The following FHIT variants were observed in gnomAD, a reference collection of about 807,000 sequenced individuals.
FHIT encodes the protein fragile histidine triad diadenosine triphosphatase, also known as bis(5'-adenosyl)-triphosphatase.
FHIT carries 19 observed loss-of-function variants against 17.9 expected under a neutral mutation model. The ratio of observed to expected loss-of-function variants is 1.06; its 90% CI spans 0.74 to 1.56. The LOEUF is 1.56. FHIT is among the 40% of genes most tolerant of loss of function. The pLI is 0.00. For synonymous variants in FHIT, 81 were observed against 69.7 expected (o/e 1.16, Z -0.81); for missense variants, 248 against 189.2 (o/e 1.31, Z -1.82).
intron 8 of FHIT, among the ~76,000 whole-genome samples, chr3:59,848,536 G>A (rs953558994): frequency 6.6e-6 from 1 of 151,976 alleles, no homozygotes; most frequent in Non-Finnish European, 1.5e-5. Context: ...TAAAATAATA[G>A]AGATCTTAGA....
intron 5 of FHIT, among the ~76,000 whole-genome samples, chr3:60,439,405 T>C (rs1341436194): frequency 6.6e-6 from 1 of 152,142 alleles, no homozygotes; most frequent in African/African-American, 2.4e-5. Flanking sequence ...AATAAAGGGC[T>C]TCTACTGTGC....
At chr3:60,937,534 C>G (rs1433004547) in intron 3 of FHIT, among the ~76,000 whole-genome samples, 1 of 110,980 alleles carries the variant, frequency 9.0e-6, no homozygotes, top group East Asian at 3.0e-4. Context: ...CAGAAGTGGT[C>G]TACTGCTTTT....
chr3:59,840,858 C>T (rs765852864), intron 8 of FHIT, among the ~76,000 whole-genome samples: 2 of 152,152 alleles, frequency 1.3e-5, no homozygotes, highest in Non-Finnish European at 2.9e-5. Context: ...ATGATAATAA[C>T]AGCCCTGGGC....
chr3:60,139,469 G>T (rs1382009410), intron 5 of FHIT, among the ~76,000 whole-genome samples: 1 of 152,158 alleles, frequency 6.6e-6, no homozygotes, highest in Non-Finnish European at 1.5e-5. Context: ...AAGGCCAGAT[G>T]ATGAAAAGTC....
At chr3:61,147,095 C>A (rs1034868615) in intron 2 of FHIT, among the ~76,000 whole-genome samples, 2 of 151,914 alleles carry the variant, frequency 1.3e-5, no homozygotes, top group African/African-American at 4.8e-5. Context: ...GTACCAAGTT[C>A]TTTTTGTTGT....
At chr3:60,181,145 A>ATTTTTT (rs199935934) in intron 5 of FHIT, among the ~76,000 whole-genome samples, 12 of 125,574 alleles carry the variant, frequency 9.6e-5, no homozygotes, top group African/African-American at 2.8e-4. Flanking sequence ...AATTTTTTTA[A>ATTTTTT]TTTTTTTTTT....
chr3:60,426,324 C>A (rs970718192), intron 5 of FHIT, among the ~76,000 whole-genome samples: 4 of 152,130 alleles, frequency 2.6e-5, no homozygotes, highest in Non-Finnish European at 5.9e-5. Context: ...AGAAAGATCT[C>A]CATTGCTCTA....
intron 5 of FHIT, among the ~76,000 whole-genome samples, chr3:60,443,629 G>A (rs930362039): frequency 1.6e-4 from 25 of 152,120 alleles, no homozygotes; most frequent in African/African-American, 6.0e-4. Context: ...AAGCCCACTT[G>A]ATCATGGTGG....
intron 2 of FHIT, among the ~76,000 whole-genome samples, chr3:61,198,045 GAAAGT>G (rs961204443): frequency 1.3e-5 from 2 of 152,084 alleles, no homozygotes; most frequent in Non-Finnish European, 2.9e-5. Context: ...CATGATGAAA[GAAAGT>G]AATGAGTGGC....
rs959594860 is a variant in FHIT at position 59,749,916 on chromosome 3, A to G, written c.*6-337T>C. 7 of 225,246 alleles carry G rather than the reference A, an allele frequency of 3.1e-5. No individual in the cohort carries two copies. The Admixed American group carries it at 4.0e-4, about 13-fold the overall frequency. 14.0% of individuals were successfully genotyped at this position (225,246 alleles called of 1,614,324 possible). A position where few individuals can be genotyped will look rare whatever the true frequency, so the allele number is the denominator to read the frequency against. ...AGTTGTTTGCCACCTCACAACCTATATTATCCGTCCTAGTCTTAGTTACCA... is the reference window on the plus strand; with the variant it reads ...AGTTGTTTGCCACCTCACAACCTATGTTATCCGTCCTAGTCTTAGTTACCA... On this transcript the variant is annotated intron_variant, in intron 9 of 9. Transcript: ENST00000492590.
At chr3:60,202,747 T>A (rs764513771) in intron 5 of FHIT, among the ~76,000 whole-genome samples, 16 of 152,268 alleles carry the variant, frequency 1.1e-4, no homozygotes, top group Non-Finnish European at 1.9e-4. Flanking sequence ...AGGCCAAGAA[T>A]CATCAACTTT....
chr3:60,235,299 C>T (rs779293321), intron 5 of FHIT, among the ~76,000 whole-genome samples: 10 of 149,736 alleles, frequency 6.7e-5, no homozygotes, highest in East Asian at 2.0e-4. Flanking sequence ...GGCGTGGTCT[C>T]GGCTCACTGC....
At chr3:61,124,677 A>G (rs139052993) in intron 2 of FHIT, among the ~76,000 whole-genome samples, 1,547 of 152,304 alleles carry the variant, frequency 0.01, 12 homozygotes, top group Middle Eastern at 0.054. Context: ...TGGTTGCTGT[A>G]AAGTAATTTT....
chr3:60,947,617 G>C (rs781954910), intron 3 of FHIT, among the ~76,000 whole-genome samples: 8 of 152,108 alleles, frequency 5.3e-5, no homozygotes, highest in Non-Finnish European at 4.4e-5. Flanking sequence ...AATTATTTTT[G>C]AAAAGGTCAT....
intron 5 of FHIT, among the ~76,000 whole-genome samples, chr3:60,217,530 G>A (rs891979023): frequency 6.6e-6 from 1 of 152,192 alleles, no homozygotes; most frequent in South Asian, 2.1e-4. Flanking sequence ...GTGCAAATTG[G>A]GTCATATCAC....
intron 5 of FHIT, among the ~76,000 whole-genome samples, chr3:60,311,068 A>G (rs1559809065): frequency 6.6e-6 from 1 of 152,140 alleles, no homozygotes; most frequent in Non-Finnish European, 1.5e-5. Flanking sequence ...TCTGTTTCTC[A>G]ATTTTGTCAA....
At chr3:60,793,026 T>A (rs1056907908) in intron 4 of FHIT, among the ~76,000 whole-genome samples, 1 of 152,238 alleles carries the variant, frequency 6.6e-6, no homozygotes, top group African/African-American at 2.4e-5. Context: ...AAGCAGGGGC[T>A]GAAGTCAGGT....
intron 5 of FHIT, among the ~76,000 whole-genome samples, chr3:60,496,889 C>T (rs922021991): frequency 6.6e-6 from 1 of 151,710 alleles, no homozygotes; most frequent in African/African-American, 2.4e-5. Context: ...AGGACACAGT[C>T]AAGAAAATAT....
intron 5 of FHIT, among the ~76,000 whole-genome samples, chr3:60,124,956 G>A (rs9855874): frequency 0.46 from 70,261 of 151,990 alleles, 16,629 homozygotes; most frequent in Non-Finnish European, 0.49. Flanking sequence ...AGATCTGATG[G>A]GGCCCTCCAA....
Sources: gnomAD v4.1 joint callset for allele counts (sites outside exome capture counted in the v4.1 genomes callset) on GRCh38, gnomAD v4.1.1 for gene constraint, MANE v1.5 for transcripts, NCBI Gene and HGNC (gene_info 2026-07-23, HGNC 2026-07-21) for gene names.